LRMDA: variants seen among roughly 807,000 people sequenced by gnomAD.
LRMDA encodes leucine rich melanocyte differentiation associated, also known as leucine-rich melanocyte differentiation-associated protein.
A neutral mutation model predicts 29.8 loss-of-function variants in LRMDA; 18 were observed. The observed-to-expected ratio is 0.60, with a 90% confidence interval of 0.42 to 0.90. The LOEUF (loss-of-function observed/expected upper bound fraction) is 0.90, where lower values mean the gene tolerates loss of function less well. Among genes scored for constraint, LRMDA ranks in the 40% least tolerant of loss-of-function variants. The pLI is 0.00. For missense variants in LRMDA, 273 were observed against 273.9 expected (o/e 1.00, Z 0.02); for synonymous variants, 125 against 109.4 (o/e 1.14, Z -0.89).
intron 5 of LRMDA, among the ~76,000 whole-genome samples, chr10:76,063,946 G>A (rs545062576): frequency 6.6e-5 from 10 of 152,292 alleles, no homozygotes; most frequent in Admixed American, 5.9e-4. Flanking sequence ...CTCCATGAGG[G>A]CAGGAACCTT....
rs532262574 is a variant in LRMDA at position 75,828,898 on chromosome 10, G to A, written c.132-207110G>A. The stretch of plus-strand genomic sequence containing the variant: ...GTAATTTATTCAGCCAGAGAGATAA[G>A]TGAGATGTGGAATTGGGGAAACAAG... On this transcript the variant is annotated intron_variant, in intron 2 of 6. Transcript: ENST00000611255. 4.7e-4 allele frequency among the ~76,000 whole-genome samples: 71 copies of A among 152,162 alleles called. 1 individual carries two copies. The highest frequency in any genetic ancestry group is 8.2e-4 in the Non-Finnish European group (56 of 68,028).
At chr10:76,017,147 G>A (rs146019771) in intron 2 of LRMDA, among the ~76,000 whole-genome samples, 36 of 152,382 alleles carry the variant, frequency 2.4e-4, no homozygotes, top group African/African-American at 8.4e-4. Flanking sequence ...AGAATGCCAT[G>A]TGAAGAGATG....
intron 2 of LRMDA, among the ~76,000 whole-genome samples, chr10:75,973,773 G>A (rs1288428032): frequency 6.6e-6 from 1 of 152,118 alleles, no homozygotes; most frequent in African/African-American, 2.4e-5. Flanking sequence ...AATAATGACA[G>A]CACCGTGACT....
intron 3 of LRMDA, among the ~76,000 whole-genome samples, chr10:76,044,491 A>G (rs1310579685): frequency 6.9e-6 from 1 of 144,468 alleles, no homozygotes. Flanking sequence ...TGAAGTATTT[A>G]AAGATAGAAA....
At chr10:75,710,896 G>C (rs532367080) in intron 2 of LRMDA, among the ~76,000 whole-genome samples, 2 of 152,260 alleles carry the variant, frequency 1.3e-5, no homozygotes, top group Admixed American at 6.5e-5. Flanking sequence ...TCTGAACAGA[G>C]ACACCAAAAC....
intron 2 of LRMDA, among the ~76,000 whole-genome samples, chr10:75,800,069 T>C (rs1389539083): frequency 6.6e-6 from 1 of 152,214 alleles, no homozygotes; most frequent in Admixed American, 6.5e-5. Flanking sequence ...TGGTCCTTTT[T>C]TCCCCCTTGA....
intron 5 of LRMDA, among the ~76,000 whole-genome samples, chr10:76,160,104 G>A (rs1483100521): frequency 6.6e-6 from 1 of 151,974 alleles, no homozygotes; most frequent in Non-Finnish European, 1.5e-5. Context: ...GATAAGGGGG[G>A]AGGCTATGTA....
intron 5 of LRMDA, among the ~76,000 whole-genome samples, chr10:76,087,998 T>G (rs1288330975): frequency 6.6e-6 from 1 of 152,114 alleles, no homozygotes; most frequent in Non-Finnish European, 1.5e-5. Flanking sequence ...GGTGTACCTA[T>G]AGTCCCAGCT....
chr10:75,487,524 C>T (rs1844929277), intron 2 of LRMDA, among the ~76,000 whole-genome samples: 1 of 152,170 alleles, frequency 6.6e-6, no homozygotes, highest in Admixed American at 6.5e-5. Flanking sequence ...ATCATGGTTT[C>T]GTGTTTGGGA....
At chr10:76,076,306 A>G (rs1848955890) in intron 5 of LRMDA, among the ~76,000 whole-genome samples, 3 of 139,196 alleles carry the variant, frequency 2.2e-5, no homozygotes, top group African/African-American at 8.0e-5. Flanking sequence ...CCGCCATGCC[A>G]CTGCACTCCA....
At chr10:76,054,418 A>G (rs1848576867) in intron 4 of LRMDA, among the ~76,000 whole-genome samples, 1 of 152,002 alleles carries the variant, frequency 6.6e-6, no homozygotes, top group African/African-American at 2.4e-5. Context: ...ATTTTTAACT[A>G]GCTTAAAAGC....
At chr10:76,005,932 TA>T (rs1481639452) in intron 2 of LRMDA, among the ~76,000 whole-genome samples, 1 of 90,754 alleles carries the variant, frequency 1.1e-5, no homozygotes, top group Non-Finnish European at 2.2e-5. Context: ...CCATCTTAAA[TA>T]AATAAATAAA....
At chr10:76,486,700 G>A (rs1325882387) in intron 6 of LRMDA, among the ~76,000 whole-genome samples, 1 of 151,860 alleles carries the variant, frequency 6.6e-6, no homozygotes, top group African/African-American at 2.4e-5. Context: ...TTAAAAAAGA[G>A]AAAACTGATG....
chr10:76,464,211 G>A (rs1169029139), intron 6 of LRMDA, among the ~76,000 whole-genome samples: 1 of 152,090 alleles, frequency 6.6e-6, no homozygotes, highest in Non-Finnish European at 1.5e-5. Context: ...AAGCCGCTGC[G>A]CCCGGCAGAT....
chr10:76,474,670 GA>G (rs1413009241), intron 6 of LRMDA, among the ~76,000 whole-genome samples: 1 of 151,454 alleles, frequency 6.6e-6, no homozygotes, highest in Non-Finnish European at 1.5e-5. Flanking sequence ...CAAAATCACA[GA>G]AATATCACTT....
In LRMDA at chr10:75,574,550, G is replaced by A. The variant is rs533571911; in HGVS notation, c.131+136056G>A. 4.6e-5 allele frequency among the ~76,000 whole-genome samples: 7 copies of A among 152,214 alleles called. No homozygotes were observed. In the East Asian group the frequency reaches 1.4e-3, roughly 29 times the overall value. ...ATGTTTTAAAACTCCCCACTGCTTT[G>A]GCATCATTTTCCTGGCTCATCGAGT... On this transcript the variant is annotated intron_variant, in intron 2 of 6. Coordinates refer to ENST00000611255, the MANE Select transcript of LRMDA (RefSeq NM_001305581.2).
intron 5 of LRMDA, among the ~76,000 whole-genome samples, chr10:76,315,924 G>A (rs1840691598): frequency 2.6e-5 from 4 of 152,134 alleles, no homozygotes; most frequent in Admixed American, 2.6e-4. Flanking sequence ...TGACCTGCCT[G>A]CAGAAAGGAG....
At chr10:75,656,146 T>G (rs902646437) in intron 2 of LRMDA, among the ~76,000 whole-genome samples, 6 of 152,256 alleles carry the variant, frequency 3.9e-5, no homozygotes, top group African/African-American at 1.4e-4. Flanking sequence ...TTTGAACAAT[T>G]ATTTTATCCG....
At chr10:76,340,786 G>T (rs764764422) in intron 6 of LRMDA, among the ~76,000 whole-genome samples, 2 of 152,120 alleles carry the variant, frequency 1.3e-5, no homozygotes, top group South Asian at 2.1e-4. Context: ...AACACAGAGC[G>T]CAATAAAGAT....
Sources: gnomAD v4.1 joint callset for allele counts (sites outside exome capture counted in the v4.1 genomes callset) on GRCh38, gnomAD v4.1.1 for gene constraint, MANE v1.5 for transcripts, NCBI Gene and HGNC (gene_info 2026-07-23, HGNC 2026-07-21) for gene names.